Variants in PRKCB observed in about 807,000 individuals in gnomAD.
PRKCB encodes the protein protein kinase C beta, also known as protein kinase C beta type.
A neutral mutation model predicts 81.5 loss-of-function variants in PRKCB; 13 were observed. The observed-to-expected ratio is 0.16, with a 90% confidence interval of 0.10 to 0.25. The LOEUF (loss-of-function observed/expected upper bound fraction) is 0.25, where lower values mean the gene tolerates loss of function less well. Ranked by LOEUF, PRKCB falls within the 10% of genes least tolerant of loss-of-function variation. The pLI, the probability that PRKCB is intolerant of heterozygous loss-of-function variation, is 1.00. For synonymous variants in PRKCB, 335 were observed against 321.4 expected (o/e 1.04, Z -0.45); for missense variants, 509 against 875.7 (o/e 0.58, Z 5.29).
intron 2 of PRKCB, among the ~76,000 whole-genome samples, chr16:23,969,106 G>T (rs1256944569): frequency 6.6e-6 from 1 of 152,090 alleles, no homozygotes; most frequent in Non-Finnish European, 1.5e-5. Flanking sequence ...GGAGGCGGAG[G>T]TTGCAGTGAG....
At chr16:24,189,357 A>T (rs541762337) in intron 15 of PRKCB, among the ~76,000 whole-genome samples, 1 of 152,268 alleles carries the variant, frequency 6.6e-6, no homozygotes, top group East Asian at 1.9e-4. Flanking sequence ...AAGAAGTAGC[A>T]GCTCGGCGCG....
At chr16:24,019,686 C>T (rs114137214) in intron 3 of PRKCB, among the ~76,000 whole-genome samples, 3,828 of 151,896 alleles carry the variant, frequency 0.025, 174 homozygotes, top group African/African-American at 0.089. Flanking sequence ...ATTGTTTGAA[C>T]CTGGGAGGTT....
intron 9 of PRKCB, among the ~76,000 whole-genome samples, chr16:24,145,783 G>A (rs1966979625): frequency 6.6e-6 from 1 of 152,228 alleles, no homozygotes; most frequent in Non-Finnish European, 1.5e-5. Context: ...GAAAACCGGA[G>A]GTTGGTGCTT....
rs76322656 is a variant in PRKCB at position 24,189,947 on chromosome 16, A to C, written c.1723-1143A>C. Reference sequence around the variant, plus strand: ...CTTCTTTCTTTTTTTTTAATTAATCACCAACTCTTCTGTCTTTACTCCCTG... The same window carrying C: ...CTTCTTTCTTTTTTTTTAATTAATCCCCAACTCTTCTGTCTTTACTCCCTG... On this transcript the variant is annotated intron_variant, in intron 15 of 16. Coordinates refer to ENST00000643927, the MANE Select transcript of PRKCB (RefSeq NM_002738.7). Among the ~76,000 whole-genome samples the C allele has an allele frequency of 6.5e-3, 981 of 151,974 alleles. 5 individuals carry two copies. The highest frequency in any genetic ancestry group is 9.8e-3 in the Non-Finnish European group (669 of 67,974).
In PRKCB at chr16:24,191,090, C is replaced by T. The variant is rs201555288; in HGVS notation, c.1723C>T (p.Leu575=). 6.2e-7 allele frequency: 1 copy of T among 1,613,186 alleles called. No individual in the cohort carries two copies. Among genetic ancestry groups the T allele is most frequent in the Admixed American group, 1.7e-5 (1 of 59,920 alleles). ...SKEAVAICKG[L]MTKHPGKRLG... ...TTCAATGTTTTTCTTTCTCTCGAAG[C>T]TGATGACCAAACACCCAGGCAAACG... Residue 575 remains leucine, a splice_region_variant and synonymous_variant, in exon 16 of 17, where the codon CTG becomes TTG. Coordinates refer to ENST00000643927, the MANE Select transcript of PRKCB (RefSeq NM_002738.7).
At position 23,879,476 on chromosome 16, in the gene PRKCB, G is replaced by T. The variant is rs1963070260; in HGVS notation, c.205+42070G>T. On this transcript the variant is annotated intron_variant, in intron 2 of 16. Transcript: ENST00000643927. ...ATAAACCTTTGTTGTTGGTCCTTTA[G>T]CTATCCTTTTTTTTTTTTTTTTTTT... 1.5e-5 allele frequency among the ~76,000 whole-genome samples: 2 copies of T among 133,452 alleles called. 1 individual carries two copies. Among genetic ancestry groups the T allele is most frequent in the Non-Finnish European group, 3.2e-5 (2 of 63,162 alleles). 87.5% of individuals were successfully genotyped at this position (133,452 alleles called of 152,430 possible).
Position 23,863,215 on chromosome 16 carries a change from CATACATATATATGTGT to C in PRKCB, c.205+25813_205+25828del, listed in dbSNP as rs1962710180. 5.2e-5 allele frequency among the ~76,000 whole-genome samples: 3 copies of C among 58,076 alleles called. No homozygotes were observed. In the Admixed American group the frequency reaches 6.7e-4, roughly 13 times the overall value. The allele number at this position is 58,076 out of a possible 152,430, so 38.1% of individuals were successfully genotyped here. On this transcript the variant is annotated intron_variant, in intron 2 of 16. Transcript: ENST00000643927. ...ACATACGTATATATGTGTATATATA[CATACATATATATGTGT>C]ATATATATACATATATATACACATA...
At chr16:24,206,912 C>A (rs1042430646) in intron 16 of PRKCB, among the ~76,000 whole-genome samples, 2 of 152,228 alleles carry the variant, frequency 1.3e-5, no homozygotes, top group African/African-American at 2.4e-5. Flanking sequence ...GTCAAAGCAG[C>A]CACTTGTTTT....
intron 9 of PRKCB, among the ~76,000 whole-genome samples, chr16:24,135,814 A>T (rs1482827467): frequency 6.6e-6 from 1 of 152,134 alleles, no homozygotes; most frequent in Non-Finnish European, 1.5e-5. Flanking sequence ...CATACATTAG[A>T]TGTGGTTATA....
chr16:24,131,526 A>G (rs420414), intron 9 of PRKCB, among the ~76,000 whole-genome samples: 50,297 of 152,156 alleles, frequency 0.33, 8,352 homozygotes, highest in South Asian at 0.47. Flanking sequence ...GTCTTGGCCA[A>G]GTTTTCCAAA....
At chr16:23,869,850 C>T (rs113819427) in intron 2 of PRKCB, among the ~76,000 whole-genome samples, 9,895 of 152,080 alleles carry the variant, frequency 0.065, 1,043 homozygotes, top group African/African-American at 0.22. Flanking sequence ...GGTGACACTC[C>T]ATCTCTACTA....
At chr16:23,886,433 G>GTTTTTTTTTTTTTTTT in intron 2 of PRKCB, among the ~76,000 whole-genome samples, 1 of 33,550 alleles carries the variant, frequency 3.0e-5, no homozygotes, top group African/African-American at 1.2e-4. Flanking sequence ...TTTTTTTTTT[G>GTTTTTTTTTTTTTTTT]ATGAAGTCTC....
chr16:23,928,867 C>T (rs994496381), intron 2 of PRKCB, among the ~76,000 whole-genome samples: 4 of 151,844 alleles, frequency 2.6e-5, no homozygotes, highest in African/African-American at 9.7e-5. Context: ...TACAGGCGCC[C>T]ACAACCATAC....
intron 9 of PRKCB, among the ~76,000 whole-genome samples, chr16:24,148,108 T>C (rs540874755): frequency 5.5e-4 from 84 of 152,302 alleles, no homozygotes; most frequent in Middle Eastern, 6.8e-3. Flanking sequence ...CATATCCTTA[T>C]AGGAATCATA....
chr16:23,842,377 A>G (rs1962282988), intron 2 of PRKCB, among the ~76,000 whole-genome samples: 1 of 152,222 alleles, frequency 6.6e-6, no homozygotes, highest in African/African-American at 2.4e-5. Context: ...GACCATCAGT[A>G]TTACTTGATT....
Position 24,218,333 on chromosome 16 carries a change from C to G in PRKCB, c.*3517C>G. The G allele has an allele frequency of 1.0e-6, 1 of 985,266 alleles. No homozygotes were observed. The highest frequency in any genetic ancestry group is 1.2e-6 in the Non-Finnish European group (1 of 829,920). 61.0% of individuals were successfully genotyped at this position (985,266 alleles called of 1,614,324 possible). ...ACACCGGAAGTAACATGCCGAGCGCCTGGGGGATGGAAACTCCTATAGCAC... is the reference window on the plus strand; with the variant it reads ...ACACCGGAAGTAACATGCCGAGCGCGTGGGGGATGGAAACTCCTATAGCAC... On this transcript the variant is annotated 3_prime_UTR_variant, in exon 17 of 17. Coordinates refer to ENST00000643927, the MANE Select transcript of PRKCB (RefSeq NM_002738.7).
intron 2 of PRKCB, among the ~76,000 whole-genome samples, chr16:23,900,979 C>A (rs1378616040): frequency 6.6e-6 from 1 of 152,106 alleles, no homozygotes; most frequent in Non-Finnish European, 1.5e-5. Flanking sequence ...ACCGTGCATT[C>A]ATCATGTGAC....
intron 2 of PRKCB, among the ~76,000 whole-genome samples, chr16:23,883,102 A>G (rs1202556343): frequency 1.2e-4 from 19 of 152,090 alleles, no homozygotes; most frequent in Non-Finnish European, 1.2e-4. Flanking sequence ...ATAGGTCCCC[A>G]CCCTCCATGG....
intron 5 of PRKCB, 28 bp from the exon 6 acceptor site, chr16:24,092,763 A>G: frequency 1.2e-6 from 2 of 1,608,010 alleles, no homozygotes; most frequent in Non-Finnish European, 1.7e-6. Context: ...GGACAGTATT[A>G]ATGCAAAAAC....
Sources: allele counts gnomAD v4.1 joint callset (sites outside exome capture counted in the v4.1 genomes callset), GRCh38; gene constraint gnomAD v4.1.1; transcripts MANE v1.5; gene names NCBI Gene and HGNC (gene_info 2026-07-23, HGNC 2026-07-21).